The following BRSK2 variants were observed in gnomAD, a reference collection of about 807,000 sequenced individuals.
The protein encoded by BRSK2 is BR serine/threonine kinase 2.
BRSK2 carries 19 observed loss-of-function variants against 83.3 expected under a neutral mutation model. That is an observed-to-expected ratio of 0.23 (90% CI 0.16 to 0.33). BRSK2 has a LOEUF of 0.33. BRSK2 is among the 10% of genes least tolerant of loss of function. BRSK2 has a pLI of 1.00. For synonymous variants in BRSK2, 519 were observed against 435.4 expected, an observed-to-expected ratio of 1.19 and a Z score of -2.39; for missense variants, 798 against 1,042.3, an observed-to-expected ratio of 0.77 and a Z score of 3.23.
Position 1,391,172 on chromosome 11 carries a change from C to A in BRSK2, c.91+797C>A, listed in dbSNP as rs926775785. ...CGCATGTGGCCAACTCTCCCCGGCC[C>A]GCTGGGTTTGGCTAGCCCTTCATCT... On this transcript the variant is annotated intron_variant, in intron 1 of 19. Transcript: ENST00000528841. Among the ~76,000 whole-genome samples the A allele has an allele frequency of 2.6e-5, 4 of 152,342 alleles. No homozygotes were observed. In the East Asian group the frequency reaches 7.7e-4, roughly 29 times the overall value.
At chr11:1,447,212 C>A (rs1279364406) in intron 12 of BRSK2, among the ~76,000 whole-genome samples, 1 of 152,176 alleles carries the variant, frequency 6.6e-6, no homozygotes, top group African/African-American at 2.4e-5. Flanking sequence ...ATTCTACTGT[C>A]CTGACCTTCA....
intron 15 of BRSK2, among the ~76,000 whole-genome samples, chr11:1,451,849 C>A (rs767547501): frequency 1.3e-5 from 2 of 152,138 alleles, no homozygotes; most frequent in Non-Finnish European, 2.9e-5. Flanking sequence ...GAGGTCTGGC[C>A]CCGCCGCCTT....
chr11:1,451,514 C>T, intron 15 of BRSK2, 95 bp downstream of exon 15: 6 of 1,332,216 alleles, frequency 4.5e-6, no homozygotes, highest in Non-Finnish European at 6.4e-6. Context: ...CGGGGTGCTC[C>T]TTCTCCACGT....
At chr11:1,439,225 C>G (rs1204393699) in intron 3 of BRSK2, among the ~76,000 whole-genome samples, 1 of 152,090 alleles carries the variant, frequency 6.6e-6, no homozygotes, top group Non-Finnish European at 1.5e-5. Flanking sequence ...CTGGCTGAAC[C>G]CAGCAGCTCC....
intron 18 of BRSK2, among the ~76,000 whole-genome samples, chr11:1,458,355 C>T (rs1462274806): frequency 2.0e-5 from 3 of 152,148 alleles, no homozygotes; most frequent in Non-Finnish European, 2.9e-5. Context: ...GAGCCCACTG[C>T]AGAGGCTCTT....
chr11:1,424,737 CGGG>C (rs113753237), intron 1 of BRSK2, among the ~76,000 whole-genome samples: 6 of 151,208 alleles, frequency 4.0e-5, no homozygotes, highest in Non-Finnish European at 8.9e-5. Flanking sequence ...CAGAGGGAGT[CGGG>C]GGGGCCAGGC....
intron 14 of BRSK2, among the ~76,000 whole-genome samples, chr11:1,451,119 C>T (rs1845767834): frequency 6.6e-6 from 1 of 152,248 alleles, no homozygotes; most frequent in South Asian, 2.1e-4. Flanking sequence ...CAAGGGCCAG[C>T]CAGTGCTGCT....
At chr11:1,443,997 T>A (rs1851693337) in intron 8 of BRSK2, among the ~76,000 whole-genome samples, 1 of 151,972 alleles carries the variant, frequency 6.6e-6, no homozygotes, top group South Asian at 2.1e-4. Context: ...CAGGTTCATG[T>A]GATTGGGTGA....
chr11:1,450,217 G>A (rs1339726143), intron 13 of BRSK2, among the ~76,000 whole-genome samples: 2 of 148,052 alleles, frequency 1.4e-5, no homozygotes, highest in Admixed American at 6.7e-5. Flanking sequence ...GCGCCTCCCC[G>A]TAGCCTATTA....
At position 1,394,968 on chromosome 11, in the gene BRSK2, A is replaced by T. The variant is rs546186340; in HGVS notation, c.91+4593A>T. Reference sequence around the variant, plus strand: ...GGGTCCTGGAGATGGGCCCCTGGAGATGGGCCATGGAGATGGGTCCTGGAG... The same window carrying T: ...GGGTCCTGGAGATGGGCCCCTGGAGTTGGGCCATGGAGATGGGTCCTGGAG... On this transcript the variant is annotated intron_variant, in intron 1 of 19. Coordinates refer to ENST00000528841, the MANE Select transcript of BRSK2 (RefSeq NM_001256627.2). Among the ~76,000 whole-genome samples the T allele has an allele frequency of 6.7e-5, 10 of 148,182 alleles. No homozygotes were observed. The South Asian group carries it at 2.1e-3, about 31-fold the overall frequency.
chr11:1,392,716 T>C (rs996570841), intron 1 of BRSK2, among the ~76,000 whole-genome samples: 2 of 152,238 alleles, frequency 1.3e-5, no homozygotes, highest in African/African-American at 4.8e-5. Context: ...GACGCCCTTC[T>C]AGACGCCGCA....
chr11:1,428,909 G>T (rs891658744), intron 1 of BRSK2, among the ~76,000 whole-genome samples: 1 of 151,410 alleles, frequency 6.6e-6, no homozygotes, highest in Non-Finnish European at 1.5e-5. Context: ...TGCACTGGGT[G>T]CTTGTGTGCA....
At position 1,450,382 on chromosome 11, in the gene BRSK2, C is replaced by T. The variant is rs1483499036; in HGVS notation, c.1288-205C>T. Among the ~76,000 whole-genome samples the T allele has an allele frequency of 2.0e-5, 3 of 152,168 alleles. No homozygotes were observed. The East Asian group carries it at 5.8e-4, about 29-fold the overall frequency. ...TGCGGCCCGACCCCAAGACCCAGAC[C>T]TTGCCGTGCAAGGCCAAGCTGACCG... On this transcript the variant is annotated intron_variant, in intron 13 of 19. Coordinates refer to ENST00000528841, the MANE Select transcript of BRSK2 (RefSeq NM_001256627.2).
intron 15 of BRSK2, among the ~76,000 whole-genome samples, chr11:1,452,621 C>G (rs952399211): frequency 6.6e-6 from 1 of 151,230 alleles, no homozygotes; most frequent in Non-Finnish European, 1.5e-5. Context: ...ACCCAAGGGC[C>G]CGGCACAGAC....
chr11:1,399,530 G>A (rs931607261), intron 1 of BRSK2, among the ~76,000 whole-genome samples: 49 of 152,146 alleles, frequency 3.2e-4, no homozygotes, highest in African/African-American at 1.0e-3. Context: ...GCCGTGAGCC[G>A]TGATAGGGAT....
In BRSK2 at chr11:1,461,181, C is replaced by T. The variant is rs1173848303; in HGVS notation, c.*458C>T. On this transcript the variant is annotated 3_prime_UTR_variant, in exon 20 of 20. Transcript: ENST00000528841. ...AGGCTCGGGGGAGCCTCCTCCAGCC[C>T]GGCCGACCCGGACTCCCGGTCACCT... 5.6e-5 allele frequency: 46 copies of T among 818,834 alleles called. No individual in the cohort carries two copies. In the East Asian group the frequency reaches 7.5e-4, roughly 13 times the overall value. The allele number at this position is 818,834 out of a possible 1,614,324, so 50.7% of individuals were successfully genotyped here.
intron 19 of BRSK2, 58 bp from the exon 20 acceptor site, chr11:1,460,442 C>T: frequency 3.5e-6 from 4 of 1,137,628 alleles, no homozygotes; most frequent in South Asian, 1.8e-5. Flanking sequence ...CTTTCTCTCC[C>T]CCTTTTTTTT....
At position 1,427,446 on chromosome 11, in the gene BRSK2, G is replaced by A. The variant is rs565349969; in HGVS notation, c.92-8594G>A. Among the ~76,000 whole-genome samples the A allele has an allele frequency of 9.8e-5, 15 of 152,298 alleles. No individual in the cohort carries two copies. In the East Asian group the frequency reaches 2.3e-3, roughly 24 times the overall value. The stretch of plus-strand genomic sequence containing the variant: ...AGCACCTGGGGGCACCCGTGTTAAC[G>A]TGCTAGTCTGCTCCCTGAGGCCCAG... On this transcript the variant is annotated intron_variant, in intron 1 of 19. Coordinates refer to ENST00000528841, the MANE Select transcript of BRSK2 (RefSeq NM_001256627.2).
At chr11:1,413,375 A>G (rs1009947746) in intron 1 of BRSK2, among the ~76,000 whole-genome samples, 3 of 146,942 alleles carry the variant, frequency 2.0e-5, no homozygotes, top group Non-Finnish European at 4.5e-5. Context: ...GCAGTGCCCC[A>G]GGACCATGGT....
Sources: gnomAD v4.1 joint callset for allele counts (sites outside exome capture counted in the v4.1 genomes callset) on GRCh38, gnomAD v4.1.1 for gene constraint, MANE v1.5 for transcripts, NCBI Gene and HGNC (gene_info 2026-07-23, HGNC 2026-07-21) for gene names.